SNAPC4: variants seen among roughly 807,000 people sequenced by gnomAD.
SNAPC4 encodes the protein small nuclear RNA activating complex polypeptide 4, also known as snRNA-activating protein complex subunit 4.
A neutral mutation model predicts 151.3 loss-of-function variants in SNAPC4; 127 were observed. That is an observed-to-expected ratio of 0.84 (90% CI 0.73 to 0.97). The LOEUF is 0.97. SNAPC4 is among the 50% of genes least tolerant of loss of function. The pLI is 0.00. For missense variants in SNAPC4, 2,186 were observed against 1,935.0 expected (o/e 1.13, Z -2.43); for synonymous variants, 1,002 against 824.4 (o/e 1.22, Z -3.69).
intron 22 of SNAPC4, among the ~76,000 whole-genome samples, chr9:136,376,814 T>C (rs753773660): frequency 4.0e-4 from 61 of 152,182 alleles, no homozygotes; most frequent in Non-Finnish European, 7.1e-4. Flanking sequence ...TCCCCAACTC[T>C]TGGACATTGC....
intron 7 of SNAPC4, 106 bp downstream of exon 7, chr9:136,394,142 TG>T: frequency 3.3e-6 from 3 of 899,496 alleles, no homozygotes; most frequent in Non-Finnish European, 5.6e-6. Flanking sequence ...GGGCTTGAAC[TG>T]GGTTCAAGAG....
At position 136,381,331 on chromosome 9, in the gene SNAPC4, C is replaced by G. The variant is rs770245394; in HGVS notation, c.2379G>C (p.Leu793=). ...ARLASTPVFT[L]FTQLFHIDTA... is the part of the protein sequence containing the mutation. ...TGCCCAAGTAGCTTACCTGGGTAAA[C>G]AGGGTAAACACAGGGGTGCTGGCCA... The change falls in exon 19 of 24, where the codon CTG becomes CTC. Residue 793 remains leucine, a synonymous_variant. Coordinates refer to ENST00000684778, the MANE Select transcript of SNAPC4 (RefSeq NM_003086.4). 1.9e-6 allele frequency: 3 copies of G among 1,612,318 alleles called. No homozygotes were observed. The highest frequency in any genetic ancestry group is 8.5e-7 in the Non-Finnish European group (1 of 1,179,466).
chr9:136,379,414 CAA>C, intron 21 of SNAPC4, 115 bp from the exon 22 acceptor site: 1 of 1,491,434 alleles, frequency 6.7e-7, no homozygotes, highest in East Asian at 2.4e-5. Context: ...GGTCTTGAGC[CAA>C]GAGAGGGTCA....
chr9:136,394,048 G>C (rs1006196688), intron 7 of SNAPC4, among the ~76,000 whole-genome samples: 3 of 152,246 alleles, frequency 2.0e-5, no homozygotes, highest in Non-Finnish European at 4.4e-5. Flanking sequence ...CTCCCGAGTA[G>C]CTGGGACCAC....
chr9:136,395,598 C>T lies in SNAPC4; in HGVS notation c.345+5G>A, dbSNP rs1834241171. 1.9e-6 allele frequency: 3 copies of T among 1,608,006 alleles called. No homozygotes were observed. The Admixed American group carries it at 5.0e-5, about 27-fold the overall frequency. ...TGGGCACCGGGGGGCCGAGGCCCAT[C>T]CCACCTGCTGCTCCCGGTTCTGGGC... On this transcript the variant is annotated splice_donor_5th_base_variant and intron_variant, in intron 4 of 23. Transcript: ENST00000684778.
intron 1 of SNAPC4, among the ~76,000 whole-genome samples, chr9:136,398,996 C>T (rs1834363491): frequency 6.6e-6 from 1 of 152,246 alleles, no homozygotes; most frequent in African/African-American, 2.4e-5. Context: ...GCTGGCTGTT[C>T]TCTGTACATC....
rs559052916 is a variant in SNAPC4, at chr9:136,386,552, A to C, written c.1325+933T>G. Among the ~76,000 whole-genome samples, 4 of 149,840 alleles carry C rather than the reference A, an allele frequency of 2.7e-5. No individual in the cohort carries two copies. The East Asian group carries it at 7.9e-4, about 29-fold the overall frequency. On this transcript the variant is annotated intron_variant, in intron 13 of 23. Transcript: ENST00000684778. ...CAGTTTCAAGCGATTCTCCTGCCTC[A>C]GCCTCCCGAGTAGCTGGGATTACAG...
chr9:136,397,561 G>C (rs1296608872), intron 2 of SNAPC4, among the ~76,000 whole-genome samples: 2 of 141,712 alleles, frequency 1.4e-5, no homozygotes, highest in African/African-American at 5.4e-5. Context: ...GAGCATGTTG[G>C]GAGGAGAGGC....
At chr9:136,385,591 T>C (rs1833864008) in intron 13 of SNAPC4, among the ~76,000 whole-genome samples, 1 of 151,764 alleles carries the variant, frequency 6.6e-6, no homozygotes, top group Admixed American at 6.6e-5. Flanking sequence ...GGAGGCTCAC[T>C]GTCGCCCAGG....
At chr9:136,379,695 G>A (rs1833617310) in intron 21 of SNAPC4, 142 bp downstream of exon 21, 4 of 797,122 alleles carry the variant, frequency 5.0e-6, no homozygotes, top group Non-Finnish European at 8.4e-6. Context: ...TCCCTGTGGT[G>A]GGACTCGAGG....
At chr9:136,400,069 T>A (rs531565323) in intron 1 of SNAPC4, 65 bp downstream of exon 1, 1 of 152,022 alleles carries the variant, frequency 6.6e-6, no homozygotes, top group African/African-American at 2.4e-5. Context: ...CAGCGCCCCC[T>A]CCACGGGGAG....
intron 13 of SNAPC4, among the ~76,000 whole-genome samples, chr9:136,385,396 C>T (rs535860799): frequency 2.0e-5 from 3 of 152,166 alleles, no homozygotes; most frequent in South Asian, 2.1e-4. Flanking sequence ...TTAAACACAG[C>T]GTTACCCGGA....
intron 13 of SNAPC4, 113 bp downstream of exon 13, chr9:136,387,372 C>T: frequency 2.5e-6 from 2 of 799,578 alleles, no homozygotes; most frequent in Non-Finnish European, 4.4e-6. Flanking sequence ...ACACGGGCCC[C>T]TCCCTCGCCC....
chr9:136,398,435 C>T lies in SNAPC4; in HGVS notation c.-7G>A, dbSNP rs758301652. 17 of 1,611,312 alleles carry T rather than the reference C, an allele frequency of 1.1e-5. No homozygotes were observed. The East Asian group carries it at 3.1e-4, about 30-fold the overall frequency. ...TTTCAGCATCTACATCCATGACTCC[C>T]GCCTGCCTCCAAAACACACCCCGAG... On this transcript the variant is annotated splice_region_variant and 5_prime_UTR_variant, in exon 2 of 24. Transcript: ENST00000684778.
Position 136,377,882 on chromosome 9 carries a change from G to C in SNAPC4, c.3945C>G (p.Ser1315=), listed in dbSNP as rs142001603. ...PPALCSLRAL[S]GLLLHKKALE... ...GGGCCTTCTTGTGGAGTAGGAGACC[G>C]GACAGAGCTCGCAGGCTGCACAGGG... The change falls in exon 22 of 24, where the codon TCC becomes TCG. Residue 1315 remains serine, a synonymous_variant. Coordinates refer to ENST00000684778, the MANE Select transcript of SNAPC4 (RefSeq NM_003086.4). 6.2e-7 allele frequency: 1 copy of C among 1,611,466 alleles called. No individual in the cohort carries two copies. The highest frequency in any genetic ancestry group is 8.5e-7 in the Non-Finnish European group (1 of 1,179,826).
At chr9:136,376,728 C>A (rs73670243) in intron 22 of SNAPC4, among the ~76,000 whole-genome samples, 1,579 of 152,132 alleles carry the variant, frequency 0.01, 20 homozygotes, top group African/African-American at 0.035. Context: ...ATGGGACAGC[C>A]ATCACACCCA....
At chr9:136,384,870 C>T in intron 13 of SNAPC4, 56 bp from the exon 14 acceptor site, 1 of 891,834 alleles carries the variant, frequency 1.1e-6, no homozygotes. Context: ...CCGCCCGCTG[C>T]TGCCCCAAGC....
In SNAPC4 at chr9:136,391,881, C is replaced by T. The variant is rs572008302; in HGVS notation, c.975+61G>A. ...ACCCCGCACCCGTCCAGCAGCCTCC[C>T]GCTATAGGGCCCACACGCCCTCAGG... is the stretch of plus-strand genomic sequence containing the variant. On this transcript the variant is annotated intron_variant, in intron 10 of 23. Coordinates refer to ENST00000684778, the MANE Select transcript of SNAPC4 (RefSeq NM_003086.4). 2,821 of 1,543,580 alleles carry T rather than the reference C, an allele frequency of 1.8e-3. 6 individuals are homozygous for T. The highest frequency in any genetic ancestry group is 2.3e-3 in the Admixed American group (128 of 55,792).
chr9:136,379,194 G>T lies in SNAPC4; in HGVS notation c.2633C>A (p.Ala878Glu), dbSNP rs779271085. The T allele has an allele frequency of 1.2e-6, 2 of 1,606,800 alleles. No individual in the cohort carries two copies. Among genetic ancestry groups the T allele is most frequent in the South Asian group, 2.2e-5 (2 of 90,072 alleles). The change falls in exon 22 of 24, where the codon GCG becomes GAG. Residue 878 changes from alanine (A) to glutamate (E), a missense_variant. Transcript: ENST00000684778. Reference sequence around the variant, plus strand: ...GGGGCCGGTTGAAGCCAGCAGGGACGCCTGGGGTAGGGTGCGCTCCACCCG... The same window carrying T: ...GGGGCCGGTTGAAGCCAGCAGGGACTCCTGGGGTAGGGTGCGCTCCACCCG... Reference protein sequence around the residue: ...SSRVERTLPQASLLASTGPRP... With the variant: ...SSRVERTLPQESLLASTGPRP...
Sources: gnomAD v4.1 joint callset for allele counts (sites outside exome capture counted in the v4.1 genomes callset) on GRCh38, gnomAD v4.1.1 for gene constraint, MANE v1.5 for transcripts, NCBI Gene and HGNC (gene_info 2026-07-23, HGNC 2026-07-21) for gene names.